The following SAMD12 variants were observed in gnomAD, a reference collection of about 807,000 sequenced individuals.
SAMD12 encodes sterile alpha motif domain containing 12, also known as sterile alpha motif domain-containing protein 12.
A neutral mutation model predicts 15.0 loss-of-function variants in SAMD12; 9 were observed. The observed-to-expected ratio is 0.60, with a 90% CI of 0.36 to 1.05. The LOEUF is 1.05. Ranked by LOEUF, SAMD12 falls within the 50% of genes least tolerant of loss-of-function variation. SAMD12 has a pLI of 0.01. For missense variants in SAMD12, 230 were observed against 234.2 expected, an observed-to-expected ratio of 0.98 and a Z score of 0.12; for synonymous variants, 86 against 90.1, an observed-to-expected ratio of 0.96 and a Z score of 0.25.
the SAMD12 span, among the ~76,000 whole-genome samples, chr8:118,169,858 G>GT: frequency 3.9e-5 from 6 of 152,098 alleles, no homozygotes; most frequent in Admixed American, 2.6e-4. Flanking sequence ...GAGGAAAGCT[G>GT]TTTTTTACCC....
intron 2 of SAMD12, among the ~76,000 whole-genome samples, chr8:118,535,424 G>A (rs1042889433): frequency 5.9e-5 from 9 of 152,362 alleles, no homozygotes; most frequent in South Asian, 2.1e-4. Context: ...CAGTCTGCCC[G>A]TTCTCAGATC....
intron 1 of SAMD12, among the ~76,000 whole-genome samples, chr8:118,585,606 T>C (rs1038415771): frequency 6.6e-6 from 1 of 152,236 alleles, no homozygotes; most frequent in Non-Finnish European, 1.5e-5. Flanking sequence ...GTGATTTTCA[T>C]CTAGAATGTT....
chr8:118,446,511 AT>A (rs548141605), intron 2 of SAMD12, among the ~76,000 whole-genome samples: 190 of 152,212 alleles, frequency 1.2e-3, no homozygotes, highest in African/African-American at 3.4e-3. Context: ...TAAAATGATT[AT>A]TTTTTCTTTT....
chr8:118,618,865 T>C (rs1828317264), intron 1 of SAMD12, among the ~76,000 whole-genome samples: 2 of 150,268 alleles, frequency 1.3e-5, no homozygotes, highest in Admixed American at 1.3e-4. Flanking sequence ...ATCCTCACAA[T>C]GTTCCCAGGA....
intron 3 of SAMD12, among the ~76,000 whole-genome samples, chr8:118,380,430 C>T (rs951133214): frequency 5.3e-5 from 8 of 152,266 alleles, no homozygotes; most frequent in Middle Eastern, 3.4e-3. Context: ...TGTGCAGACA[C>T]CCTGGGCTAT....
At chr8:118,580,622 G>C in intron 2 of SAMD12, 93 bp downstream of exon 2, 1 of 829,736 alleles carries the variant, frequency 1.2e-6, no homozygotes, top group Non-Finnish European at 2.0e-6. Flanking sequence ...ATGGTAATTA[G>C]TGAAAGCACT....
intron 2 of SAMD12, among the ~76,000 whole-genome samples, chr8:118,495,403 T>C (rs1824580715): frequency 6.6e-6 from 1 of 152,168 alleles, no homozygotes; most frequent in Non-Finnish European, 1.5e-5. Flanking sequence ...CTGTCAAACA[T>C]CTCTTTTCTT....
chr8:118,411,422 T>G (rs1821400183), intron 3 of SAMD12, among the ~76,000 whole-genome samples: 1 of 152,216 alleles, frequency 6.6e-6, no homozygotes, highest in Non-Finnish European at 1.5e-5. Flanking sequence ...ACTCAGGGTA[T>G]GACGATGAAA....
intron 3 of SAMD12, among the ~76,000 whole-genome samples, chr8:118,415,270 A>T (rs1001864137): frequency 6.6e-6 from 1 of 152,198 alleles, no homozygotes; most frequent in African/African-American, 2.4e-5. Flanking sequence ...AGTTTACAAA[A>T]GTATTTTTTG....
chr8:118,431,003 G>T (rs1040100178), intron 3 of SAMD12, among the ~76,000 whole-genome samples: 4 of 151,744 alleles, frequency 2.6e-5, no homozygotes, highest in Admixed American at 6.6e-5. Flanking sequence ...AGTATTTGAG[G>T]CCATTTCATT....
At chr8:118,388,187 T>C (rs753315246) in intron 3 of SAMD12, among the ~76,000 whole-genome samples, 1 of 152,194 alleles carries the variant, frequency 6.6e-6, no homozygotes, top group Admixed American at 6.5e-5. Context: ...TCTATATGAC[T>C]GTGGTGTGAA....
At chr8:118,424,344 A>G (rs1322505312) in intron 3 of SAMD12, among the ~76,000 whole-genome samples, 1 of 152,218 alleles carries the variant, frequency 6.6e-6, no homozygotes, top group Non-Finnish European at 1.5e-5. Flanking sequence ...GATCAATAAT[A>G]ATAGCCAATA....
intron 2 of SAMD12, among the ~76,000 whole-genome samples, chr8:118,487,603 A>G (rs1457987961): frequency 6.6e-6 from 1 of 152,200 alleles, no homozygotes; most frequent in Non-Finnish European, 1.5e-5. Context: ...TGAGCCTTTA[A>G]CCTAATAAGT....
At chr8:118,440,570 T>C (rs1212735805) in intron 2 of SAMD12, among the ~76,000 whole-genome samples, 2 of 151,498 alleles carry the variant, frequency 1.3e-5, no homozygotes, top group African/African-American at 2.4e-5. Context: ...AATAAGATAA[T>C]GTGGGCAGTT....
intron 4 of SAMD12, among the ~76,000 whole-genome samples, chr8:118,353,672 T>G (rs988712136): frequency 5.3e-5 from 8 of 152,160 alleles, no homozygotes; most frequent in African/African-American, 1.9e-4. Context: ...TTTTTAAACA[T>G]TAAGGGGGGA....
At chr8:118,369,939 T>C (rs970794278) in intron 4 of SAMD12, among the ~76,000 whole-genome samples, 2 of 152,022 alleles carry the variant, frequency 1.3e-5, no homozygotes, top group African/African-American at 2.4e-5. Flanking sequence ...ATTAAAGAGC[T>C]CTGTACAGCA....
chr8:118,433,787 G>A (rs1822493215), intron 3 of SAMD12, among the ~76,000 whole-genome samples: 1 of 152,142 alleles, frequency 6.6e-6, no homozygotes, highest in African/African-American at 2.4e-5. Flanking sequence ...AGATAGGAAA[G>A]TAGATCACAA....
intron 4 of SAMD12, among the ~76,000 whole-genome samples, chr8:118,331,988 T>G (rs145855433): frequency 1.3e-5 from 2 of 152,074 alleles, no homozygotes; most frequent in African/African-American, 4.8e-5. Flanking sequence ...ATAGTAACTA[T>G]CAGAGGAACT....
intron 1 of SAMD12, among the ~76,000 whole-genome samples, chr8:118,587,754 G>A (rs1045272709): frequency 6.6e-6 from 1 of 152,160 alleles, no homozygotes; most frequent in Non-Finnish European, 1.5e-5. Flanking sequence ...CTCGAACTTT[G>A]TTCTTCATTA....
Sources: allele counts gnomAD v4.1 joint callset (sites outside exome capture counted in the v4.1 genomes callset), GRCh38; gene constraint gnomAD v4.1.1; transcripts MANE v1.5; gene names NCBI Gene and HGNC (gene_info 2026-07-23, HGNC 2026-07-21).